Variants in FBXO11 observed in about 807,000 individuals in gnomAD.
FBXO11 encodes the protein F-box only protein 11.
Under a neutral mutation model 117.0 loss-of-function variants are expected in FBXO11, and 13 were observed. The observed-to-expected ratio is 0.11, with a 90% confidence interval of 0.07 to 0.18. The LOEUF is 0.18. Ranked by LOEUF, FBXO11 falls within the 10% of genes least tolerant of loss-of-function variation. The probability of loss-of-function intolerance (pLI) is 1.00; values close to 1 mark genes in which losing one functional copy is unlikely to be tolerated. For missense variants in FBXO11, 767 were observed against 1,164.4 expected (o/e 0.66, Z 4.97); for synonymous variants, 490 against 380.5 (o/e 1.29, Z -3.35).
chr2:47,821,288 G>T (rs1671360513), intron 13 of FBXO11, among the ~76,000 whole-genome samples: 1 of 152,056 alleles, frequency 6.6e-6, no homozygotes, highest in Non-Finnish European at 1.5e-5. Context: ...AACCAGCCTG[G>T]CCAACATGGC....
chr2:47,887,856 C>CA (rs1346066284), intron 1 of FBXO11, among the ~76,000 whole-genome samples: 4 of 151,816 alleles, frequency 2.6e-5, no homozygotes, highest in African/African-American at 4.8e-5. Flanking sequence ...GATTCTGTCT[C>CA]AAAAAAACCC....
At chr2:47,867,410 C>T (rs1298942733) in intron 1 of FBXO11, among the ~76,000 whole-genome samples, 3 of 152,120 alleles carry the variant, frequency 2.0e-5, no homozygotes, top group Admixed American at 2.0e-4. Context: ...AATGATTGGC[C>T]TGGAAGTGAC....
intron 11 of FBXO11, among the ~76,000 whole-genome samples, chr2:47,832,128 A>G (rs1672240214): frequency 6.6e-6 from 1 of 152,204 alleles, no homozygotes; most frequent in South Asian, 2.1e-4. Flanking sequence ...CAAAGATCAC[A>G]TATATTGCCT....
At chr2:47,891,316 G>A (rs958019706) in intron 1 of FBXO11, among the ~76,000 whole-genome samples, 3 of 151,834 alleles carry the variant, frequency 2.0e-5, no homozygotes, top group Non-Finnish European at 4.4e-5. Flanking sequence ...TGACAACCAC[G>A]ATTCCACTCT....
intron 1 of FBXO11, chr2:47,905,246 CG>C (rs889002067): frequency 7.1e-5 from 19 of 266,970 alleles, no homozygotes; most frequent in African/African-American, 4.2e-4. Flanking sequence ...GCTGAGCCCC[CG>C]AAACCAAACA....
intron 1 of FBXO11, among the ~76,000 whole-genome samples, chr2:47,886,440 A>T (rs1676853833): frequency 6.7e-6 from 1 of 149,072 alleles, no homozygotes; most frequent in Non-Finnish European, 1.5e-5. Context: ...CGGGAGGTGG[A>T]GGTTGCAGTG....
intron 11 of FBXO11, among the ~76,000 whole-genome samples, chr2:47,827,656 C>T (rs919959086): frequency 2.0e-5 from 3 of 151,534 alleles, no homozygotes; most frequent in Non-Finnish European, 4.4e-5. Context: ...TAAGCAATAC[C>T]TCTAGTACAA....
chr2:47,806,990 T>TA lies in FBXO11; in HGVS notation c.*1127_*1128insT. The TA allele has an allele frequency of 1.3e-6, 1 of 745,316 alleles. No individual in the cohort carries two copies. The highest frequency in any genetic ancestry group is 2.2e-5 in the Admixed American group (1 of 45,362). The allele number at this position is 745,316 out of a possible 1,614,324, so 46.2% of individuals were successfully genotyped here. On this transcript the variant is annotated 3_prime_UTR_variant, in exon 23 of 23. Coordinates refer to ENST00000403359, the MANE Select transcript of FBXO11 (RefSeq NM_001190274.2). ...TTTTCTTTCTAGGAAATTAAACCCTTTTAATTCTTATCTACCTTCTACATA... is the reference window on the plus strand; with the variant it reads ...TTTTCTTTCTAGGAAATTAAACCCTTATTAATTCTTATCTACCTTCTACATA...
intron 7 of FBXO11, among the ~76,000 whole-genome samples, chr2:47,833,795 G>A (rs935132264): frequency 3.9e-5 from 6 of 151,994 alleles, no homozygotes; most frequent in Non-Finnish European, 7.4e-5. Context: ...CTCCAGAGTC[G>A]CTGGGATTAC....
In FBXO11 at chr2:47,852,066, A is replaced by G. The variant is rs534651167; in HGVS notation, c.233-12297T>C. Among the ~76,000 whole-genome samples the G allele has an allele frequency of 2.7e-5, 4 of 145,756 alleles. No individual in the cohort carries two copies. The East Asian group carries it at 8.0e-4, about 29-fold the overall frequency. On this transcript the variant is annotated intron_variant, in intron 1 of 22. Transcript: ENST00000403359. ...GAGTGCAATGGCACTATCTTGGCTC[A>G]CTGCAACCTCCACACCTGCTTCAAG...
intron 1 of FBXO11, among the ~76,000 whole-genome samples, chr2:47,871,239 A>G: frequency 6.6e-6 from 1 of 152,182 alleles, no homozygotes; most frequent in East Asian, 1.9e-4. Flanking sequence ...CGCTTTATGA[A>G]TCCACTCAAG....
intron 1 of FBXO11, among the ~76,000 whole-genome samples, chr2:47,842,785 A>C (rs1004562641): frequency 5.9e-5 from 9 of 151,734 alleles, no homozygotes; most frequent in African/African-American, 2.2e-4. Context: ...TCTTTAAAAA[A>C]AAAAAAAAAA....
intron 1 of FBXO11, among the ~76,000 whole-genome samples, chr2:47,843,903 G>C (rs758843004): frequency 1.3e-4 from 20 of 151,988 alleles, no homozygotes; most frequent in Non-Finnish European, 2.8e-4. Context: ...ACTACGCCCG[G>C]CTAATTTTTG....
At chr2:47,886,004 C>CTTA (rs2103943067) in intron 1 of FBXO11, among the ~76,000 whole-genome samples, 1 of 152,322 alleles carries the variant, frequency 6.6e-6, no homozygotes, top group South Asian at 2.1e-4. Flanking sequence ...TCATTCAATA[C>CTTA]TTAACCTCAT....
chr2:47,844,802 A>G (rs570130029), intron 1 of FBXO11, among the ~76,000 whole-genome samples: 56 of 152,144 alleles, frequency 3.7e-4, no homozygotes, highest in Non-Finnish European at 7.6e-4. Flanking sequence ...ATGCCTGGCT[A>G]ATTTTTGTAT....
intron 1 of FBXO11, among the ~76,000 whole-genome samples, chr2:47,904,736 T>A (rs1432964161): frequency 4.6e-5 from 7 of 151,566 alleles, no homozygotes; most frequent in Non-Finnish European, 2.9e-5. Context: ...GGGGTGTCGA[T>A]AGAGCGGAAG....
rs1322005483 is a variant in FBXO11, at chr2:47,820,348, A to G, written c.1797+14T>C. 1.2e-6 allele frequency: 2 copies of G among 1,606,190 alleles called. No individual in the cohort carries two copies. Among genetic ancestry groups the G allele is most frequent in the Non-Finnish European group, 8.5e-7 (1 of 1,173,644 alleles). On this transcript the variant is annotated intron_variant, in intron 14 of 22. Transcript: ENST00000403359. ...GATGCATGAGTTTATAGGGAACTATATACATTAACTTACCACATAAATCCC... is the reference window on the plus strand; with the variant it reads ...GATGCATGAGTTTATAGGGAACTATGTACATTAACTTACCACATAAATCCC...
chr2:47,825,026 T>C lies in FBXO11; in HGVS notation c.1399-1666A>G, dbSNP rs72809596. Among the ~76,000 whole-genome samples, 401 of 152,310 alleles carry C rather than the reference T, an allele frequency of 2.6e-3. 11 individuals carry two copies. In the East Asian group the frequency reaches 0.056, roughly 21 times the overall value. On this transcript the variant is annotated intron_variant, in intron 11 of 22. Transcript: ENST00000403359. ...CCACTGTAAGCTCCTGTCTGGACTA[T>C]TCTAACTTCTGGAGCATGTATGTAA...
At chr2:47,869,289 T>C (rs190051143) in intron 1 of FBXO11, among the ~76,000 whole-genome samples, 4 of 152,328 alleles carry the variant, frequency 2.6e-5, no homozygotes, top group Admixed American at 2.0e-4. Flanking sequence ...AGAGACACAA[T>C]AATGATTTCA....
Sources: allele counts gnomAD v4.1 joint callset (sites outside exome capture counted in the v4.1 genomes callset), GRCh38; gene constraint gnomAD v4.1.1; transcripts MANE v1.5; gene names NCBI Gene and HGNC (gene_info 2026-07-23, HGNC 2026-07-21).